HHLA2: variants seen among roughly 807,000 people sequenced by gnomAD.
The protein encoded by HHLA2 is HHLA2 member of B7 family.
A neutral mutation model predicts 45.9 loss-of-function variants in HHLA2; 48 were observed. The observed-to-expected ratio is 1.05, with a 90% CI of 0.83 to 1.33. The LOEUF (loss-of-function observed/expected upper bound fraction) is 1.33. HHLA2 is among the 40% of genes most tolerant of loss of function. The pLI is 0.00. For missense variants in HHLA2, 462 were observed against 494.3 expected (o/e 0.93, Z 0.62); for synonymous variants, 161 against 173.9 (o/e 0.93, Z 0.59).
intron 9 of HHLA2, 143 bp from the exon 9 acceptor site, chr3:108,376,350 C>A (rs2082274781): frequency 1.7e-6 from 1 of 604,202 alleles, no homozygotes; most frequent in Non-Finnish European, 2.8e-6. Context: ...ACACTGAATG[C>A]ATTTTTCATG....
At chr3:108,374,317 C>T (rs1343531870) in intron 8 of HHLA2, among the ~76,000 whole-genome samples, 6 of 151,838 alleles carry the variant, frequency 4.0e-5, no homozygotes, top group African/African-American at 1.5e-4. Flanking sequence ...ACACCTTATA[C>T]AAAAATTAAT....
exon 8 of HHLA2, chr3:108,362,392 C>T (rs903815869): frequency 3.1e-6 from 5 of 1,612,878 alleles, no homozygotes; most frequent in Non-Finnish European, 3.4e-6. Context: ...GATTTTGGTG[C>T]CCTCTGCGAT....
intron 3 of HHLA2, among the ~76,000 whole-genome samples, chr3:108,344,217 A>T (rs1000472171): frequency 6.6e-6 from 1 of 151,796 alleles, no homozygotes; most frequent in African/African-American, 2.4e-5. Context: ...GTATCCATAG[A>T]ACAATTTAAT....
At chr3:108,355,353 AACATGG>A in exon 6 of HHLA2, 1 of 1,613,890 alleles carries the variant, frequency 6.2e-7, no homozygotes, top group South Asian at 1.1e-5. Flanking sequence ...TGCTGAAGCA[AACATGG>A]ACAGGGCGCT....
At chr3:108,310,721 A>G (rs1400526893) in exon 2 of HHLA2, 2 of 152,606 alleles carry the variant, frequency 1.3e-5, no homozygotes, top group African/African-American at 2.4e-5. Flanking sequence ...GAGACCATCA[A>G]GAATTGGATT....
At chr3:108,358,507 G>C (rs888117638) in intron 7 of HHLA2, among the ~76,000 whole-genome samples, 2 of 152,130 alleles carry the variant, frequency 1.3e-5, no homozygotes, top group Non-Finnish European at 2.9e-5. Flanking sequence ...GGGATTCAAG[G>C]CTAGAGACAC....
intron 8 of HHLA2, among the ~76,000 whole-genome samples, chr3:108,367,518 C>G (rs561349959): frequency 3.3e-5 from 5 of 151,892 alleles, no homozygotes; most frequent in African/African-American, 1.2e-4. Flanking sequence ...TATAAATGAC[C>G]TGATGGAGCT....
At chr3:108,369,431 G>A (rs1487805661) in intron 8 of HHLA2, among the ~76,000 whole-genome samples, 1 of 152,178 alleles carries the variant, frequency 6.6e-6, no homozygotes, top group African/African-American at 2.4e-5. Context: ...TGAGGTACCA[G>A]GTTCATCTCA....
At chr3:108,350,286 T>G (rs995715024) in intron 3 of HHLA2, among the ~76,000 whole-genome samples, 6 of 152,178 alleles carry the variant, frequency 3.9e-5, no homozygotes, top group Non-Finnish European at 8.8e-5. Context: ...GACTCATAAC[T>G]TTGTCATATT....
chr3:108,321,091 T>TA lies in HHLA2; in HGVS notation c.-104-7158dup, dbSNP rs67374827. Among the ~76,000 whole-genome samples, 87 of 101,414 alleles carry TA rather than the reference T, an allele frequency of 8.6e-4. 1 individual carries two copies. The highest frequency in any genetic ancestry group is 2.5e-3 in the African/African-American group (70 of 27,646). 66.5% of individuals were successfully genotyped at this position (101,414 alleles called of 152,430 possible). A position where few individuals can be genotyped will look rare whatever the true frequency, so the allele number is the denominator to read the frequency against. ...TCACCAGAACATTTCTCCAGGTGTTTAAAAAAAAAAAAAAAAAAAAAGACT... is the reference window on the plus strand; with the variant it reads ...TCACCAGAACATTTCTCCAGGTGTTTAAAAAAAAAAAAAAAAAAAAAAGACT... On this transcript the variant is annotated intron_variant, in intron 2 of 10. Coordinates refer to ENST00000619531, the Ensembl canonical transcript of HHLA2.
chr3:108,306,654 A>G (rs1043348492), intron 1 of HHLA2, among the ~76,000 whole-genome samples: 1 of 152,174 alleles, frequency 6.6e-6, no homozygotes, highest in Non-Finnish European at 1.5e-5. Context: ...TGTTGCTGAT[A>G]CTATTATCTT....
chr3:108,321,114 A>AAAAAAAAAAAAAAAAACAC (rs2081193830), intron 2 of HHLA2, among the ~76,000 whole-genome samples: 1 of 147,838 alleles, frequency 6.8e-6, no homozygotes, highest in African/African-American at 2.5e-5. Flanking sequence ...AAAAAAAAAG[A>AAAAAAAAAAAAAAAAACAC]CTGTGCCAAA....
At chr3:108,352,832 C>T (rs1302613485) in intron 4 of HHLA2, among the ~76,000 whole-genome samples, 1 of 152,182 alleles carries the variant, frequency 6.6e-6, no homozygotes, top group Non-Finnish European at 1.5e-5. Flanking sequence ...ATCCTGAGAG[C>T]AGTCTTAAAC....
intron 1 of HHLA2, among the ~76,000 whole-genome samples, chr3:108,297,006 C>T (rs1279394968): frequency 4.6e-5 from 7 of 152,150 alleles, no homozygotes; most frequent in South Asian, 2.1e-4. Context: ...AGATGCACTG[C>T]GTTCCATTCT....
chr3:108,331,133 C>T (rs1282737662), intron 3 of HHLA2, among the ~76,000 whole-genome samples: 3 of 152,112 alleles, frequency 2.0e-5, no homozygotes, highest in African/African-American at 7.2e-5. Flanking sequence ...TCTCCATTGC[C>T]GTCTAGAACA....
At chr3:108,357,961 T>C (rs889646972) in exon 7 of HHLA2, 40 of 1,613,670 alleles carry the variant, frequency 2.5e-5, no homozygotes, top group Non-Finnish European at 3.3e-5. Context: ...AGTGGGACTT[T>C]CTCTGTCCTG....
At chr3:108,370,015 T>A (rs939510487) in intron 8 of HHLA2, among the ~76,000 whole-genome samples, 1 of 151,314 alleles carries the variant, frequency 6.6e-6, no homozygotes, top group Non-Finnish European at 1.5e-5. Context: ...GACTGCCTCC[T>A]CAAGTGGGTC....
intron 6 of HHLA2, among the ~76,000 whole-genome samples, chr3:108,355,986 T>C (rs1366805752): frequency 1.3e-5 from 2 of 151,954 alleles, no homozygotes; most frequent in Admixed American, 1.3e-4. Flanking sequence ...TAATAAAAAG[T>C]AATTTGCTAT....
At chr3:108,335,930 G>A (rs1054732783) in intron 3 of HHLA2, among the ~76,000 whole-genome samples, 1 of 151,724 alleles carries the variant, frequency 6.6e-6, no homozygotes, top group African/African-American at 2.4e-5. Context: ...TCTCTGATAT[G>A]GCATCATACC....
Sources: allele counts gnomAD v4.1 joint callset (sites outside exome capture counted in the v4.1 genomes callset), GRCh38; gene constraint gnomAD v4.1.1; transcripts MANE v1.5; gene names NCBI Gene and HGNC (gene_info 2026-07-23, HGNC 2026-07-21).